MED24: variants seen among roughly 807,000 people sequenced by gnomAD.
MED24 encodes the protein mediator complex subunit 24.
In MED24, 74 loss-of-function variants were observed where a neutral mutation model predicts 118.8. That is an observed-to-expected ratio of 0.62 (90% confidence interval 0.52 to 0.76). The LOEUF (loss-of-function observed/expected upper bound fraction) is 0.76. MED24 is among the 30% of genes least tolerant of loss of function. The pLI is 0.00. For synonymous variants in MED24, 521 were observed against 523.9 expected, an observed-to-expected ratio of 0.99 and a Z score of 0.08; for missense variants, 1,041 against 1,278.9, an observed-to-expected ratio of 0.81 and a Z score of 2.84.
rs528054691 is a variant in MED24 at position 40,029,824 on chromosome 17, G to T, written c.1190C>A (p.Ser397Ter). ...ADREHAPQQK[S>*]GENANIQPNI... The stretch of plus-strand genomic sequence containing the variant: ...GGGCTGGATGTTGGCATTCTCTCCC[G>T]ATTTCTGCTGGGGTGCGTGCTCTCG... Residue 397 changes from serine (S) to a stop codon, truncating the protein, a stop_gained, in exon 13 of 26, where the codon TCG becomes TAG. Transcript: ENST00000394128. LOFTEE classifies it high-confidence loss of function. 6.2e-7 allele frequency: 1 copy of T among 1,614,090 alleles called. No individual in the cohort carries two copies. Among genetic ancestry groups the T allele is most frequent in the Non-Finnish European group, 8.5e-7 (1 of 1,179,950 alleles).
chr17:40,021,916 C>T, intron 23 of MED24, 39 bp downstream of exon 23: 1 of 1,445,762 alleles, frequency 6.9e-7, no homozygotes, highest in Admixed American at 2.1e-5. Context: ...AGTGAATTCC[C>T]AGGAAAAGGA....
chr17:40,023,136 T>A lies in MED24; in HGVS notation c.2245A>T (p.Ile749Phe). Residue 749 changes from isoleucine (I) to phenylalanine (F), a missense_variant, in exon 20 of 26, where the codon ATT (isoleucine) becomes TTT (phenylalanine). Transcript: ENST00000394128. ...AGCCACTCCAGCCCAAGTACCTTAATCAGGTTGTTGCAGAACCAGTAGACG... is the reference window on the plus strand; with the variant it reads ...AGCCACTCCAGCCCAAGTACCTTAAACAGGTTGTTGCAGAACCAGTAGACG... ...GGVYWFCNNL[I>F]KELLKETRKE... The A allele has an allele frequency of 6.2e-7, 1 of 1,613,410 alleles. No individual in the cohort carries two copies. The highest frequency in any genetic ancestry group is 1.3e-5 in the African/African-American group (1 of 75,034).
chr17:40,052,316 T>C (rs933278006), intron 3 of MED24, among the ~76,000 whole-genome samples: 1 of 152,168 alleles, frequency 6.6e-6, no homozygotes, highest in East Asian at 1.9e-4. Flanking sequence ...TAGATGACCT[T>C]TGGCAAGTTA....
chr17:40,031,107 CAA>C (rs975842737), intron 12 of MED24, 50 bp downstream of exon 12: 19 of 1,518,970 alleles, frequency 1.3e-5, no homozygotes, highest in Non-Finnish European at 1.7e-5. Flanking sequence ...CCCACCGTAA[CAA>C]GAGAGAGGTC....
chr17:40,047,968 G>A (rs1985429000), intron 3 of MED24, among the ~76,000 whole-genome samples: 1 of 152,190 alleles, frequency 6.6e-6, no homozygotes, highest in Admixed American at 6.5e-5. Flanking sequence ...GACCTCAGGT[G>A]ATACACTCGC....
At chr17:40,022,531 G>A (rs772165414) in intron 21 of MED24, 47 bp from the exon 22 acceptor site, 4 of 1,593,074 alleles carry the variant, frequency 2.5e-6, no homozygotes, top group Admixed American at 1.8e-5. Flanking sequence ...GGTGCCCCAG[G>A]AGCTTTCTGT....
At chr17:40,030,095 C>T (rs995979758) in intron 12 of MED24, among the ~76,000 whole-genome samples, 1 of 152,026 alleles carries the variant, frequency 6.6e-6, no homozygotes, top group South Asian at 2.1e-4. Flanking sequence ...TACAGTGGCA[C>T]GATCTCGGCT....
Position 40,026,328 on chromosome 17 carries a change from T to C in MED24, c.1813A>G (p.Ile605Val). Residue 605 changes from isoleucine to valine, a missense_variant, in exon 19 of 26, where the codon ATC becomes GTC. Around this residue, in one of 3 missense-constraint regions of MED24, gnomAD observed 587 missense variants for 694.4 expected, o/e 0.85. Transcript: ENST00000394128. ...GVLAFESIQK[I>V]TDNIKGKVCS... ...ACCTTCCCTTTGATGTTATCAGTGATTTTCTAGGGGAGACGGAAAGGTGAT... is the reference window on the plus strand; with the variant it reads ...ACCTTCCCTTTGATGTTATCAGTGACTTTCTAGGGGAGACGGAAAGGTGAT... 1.2e-6 allele frequency: 2 copies of C among 1,613,246 alleles called. No homozygotes were observed. Among genetic ancestry groups the C allele is most frequent in the Non-Finnish European group, 1.7e-6 (2 of 1,179,416 alleles).
At chr17:40,027,107 C>T in intron 16 of MED24, 73 bp from the exon 17 acceptor site, 1 of 1,538,124 alleles carries the variant, frequency 6.5e-7, no homozygotes, top group Admixed American at 2.0e-5. Flanking sequence ...CCTGGGGCTG[C>T]ACTGTTTCCC....
At chr17:40,039,690 G>T (rs1029538056) in intron 3 of MED24, among the ~76,000 whole-genome samples, 1 of 152,056 alleles carries the variant, frequency 6.6e-6, no homozygotes, top group Non-Finnish European at 1.5e-5. Context: ...TGTCACCCAG[G>T]CTGGAGTGCA....
Position 40,019,482 on chromosome 17 carries a change from T to G in MED24, c.*47A>C, listed in dbSNP as rs1291066799. 2.6e-6 allele frequency: 4 copies of G among 1,518,074 alleles called. No homozygotes were observed. The highest frequency in any genetic ancestry group is 3.6e-6 in the Non-Finnish European group (4 of 1,100,610). 94.0% of individuals were successfully genotyped at this position (1,518,074 alleles called of 1,614,324 possible). A position where few individuals can be genotyped will look rare whatever the true frequency, so the allele number is the denominator to read the frequency against. ...CCTCACTGCTTCCCTTGGAGGCGCC[T>G]GGGGCTGCGCCAGTCCCCAGCCCCC... is the stretch of plus-strand genomic sequence containing the variant. On this transcript the variant is annotated 3_prime_UTR_variant, in exon 26 of 26. Coordinates refer to ENST00000394128, the MANE Select transcript of MED24 (RefSeq NM_014815.4).
chr17:40,022,930 G>C, intron 20 of MED24, 104 bp from the exon 21 acceptor site: 2 of 1,418,028 alleles, frequency 1.4e-6, no homozygotes, highest in Non-Finnish European at 1.9e-6. Flanking sequence ...CCGCAGAGGG[G>C]GCCCCAGATG....
At chr17:40,048,655 G>C (rs1985500839) in intron 3 of MED24, among the ~76,000 whole-genome samples, 1 of 152,138 alleles carries the variant, frequency 6.6e-6, no homozygotes, top group South Asian at 2.1e-4. Flanking sequence ...CCGGGTTCAA[G>C]CGATTCTCCT....
intron 19 of MED24, among the ~76,000 whole-genome samples, chr17:40,024,007 T>C (rs1982357314): frequency 6.6e-6 from 1 of 152,158 alleles, no homozygotes. Flanking sequence ...GAGCCACTTT[T>C]CCCACCTGCA....
In MED24 at chr17:40,035,241, C is replaced by G. The variant is rs1983800139; in HGVS notation, c.435G>C (p.Gly145=). The change falls in exon 6 of 26, where the codon GGG becomes GGC. Residue 145 remains glycine, a synonymous_variant. Coordinates refer to ENST00000394128, the MANE Select transcript of MED24 (RefSeq NM_014815.4). ...CAGCGGCTGGAGTGCCGGCCTCCAG[C>G]CCCTCCCGCAGCCGCTCTGCAGAGG... ...TAASAERLRE[G]LEAGTPAAGE... is the part of the protein sequence containing the mutation. 1 of 1,613,804 alleles carries G rather than the reference C, an allele frequency of 6.2e-7. No homozygotes were observed. The highest frequency in any genetic ancestry group is 1.3e-5 in the African/African-American group (1 of 74,934).
intron 19 of MED24, 161 bp from the exon 20 acceptor site, chr17:40,023,556 A>G: frequency 1.5e-6 from 1 of 653,280 alleles, no homozygotes; most frequent in Non-Finnish European, 2.6e-6. Flanking sequence ...CCCCGGGGTG[A>G]CCTGGCCCCT....
chr17:40,037,992 T>C (rs2144935043), intron 3 of MED24, among the ~76,000 whole-genome samples: 1 of 152,010 alleles, frequency 6.6e-6, no homozygotes, highest in South Asian at 2.1e-4. Context: ...ATTAAACATA[T>C]AACGAGAACT....
intron 3 of MED24, among the ~76,000 whole-genome samples, chr17:40,049,481 A>G (rs1985586708): frequency 6.6e-6 from 1 of 152,162 alleles, no homozygotes; most frequent in African/African-American, 2.4e-5. Flanking sequence ...GACAGTCCCA[A>G]CTTAACAATG....
intron 15 of MED24, 173 bp from the exon 16 acceptor site, chr17:40,027,638 T>G: frequency 1.4e-6 from 1 of 706,240 alleles, no homozygotes; most frequent in Non-Finnish European, 2.4e-6. Context: ...ATCCCTTCCT[T>G]GAGACCAAAG....
Sources: allele counts gnomAD v4.1 joint callset (sites outside exome capture counted in the v4.1 genomes callset), GRCh38; gene constraint gnomAD v4.1.1; regional missense constraint gnomAD v4.1.1; transcripts MANE v1.5; gene names NCBI Gene and HGNC (gene_info 2026-07-23, HGNC 2026-07-21).